Variants in CASK observed in about 807,000 individuals in gnomAD.
CASK encodes the protein calcium/calmodulin dependent serine protein kinase, also known as peripheral plasma membrane protein CASK.
Under a neutral mutation model 82.9 loss-of-function variants are expected in CASK, and 4 were observed. That is an observed-to-expected ratio of 0.05 (90% confidence interval 0.02 to 0.11). CASK has a LOEUF of 0.11. CASK is among the 10% of genes least tolerant of loss of function. The probability of loss-of-function intolerance (pLI) is 1.00; values close to 1 mark genes in which losing one functional copy is unlikely to be tolerated. For missense variants in CASK, 358 were observed against 720.9 expected (o/e 0.50, Z 5.76); for synonymous variants, 259 against 253.5 (o/e 1.02, Z -0.20).
At chrX:41,802,678 C>T (rs2070026779) in intron 2 of CASK, among the ~76,000 whole-genome samples, 1 of 111,353 alleles carries the variant, frequency 9.0e-6, no homozygotes, top group Non-Finnish European at 1.9e-5. Context: ...AGGCACTGCC[C>T]TAAGTGCTTT....
chrX:41,759,622 C>T (rs983276231), intron 3 of CASK, among the ~76,000 whole-genome samples: 10 of 111,430 alleles, frequency 9.0e-5, no homozygotes, highest in Non-Finnish European at 1.7e-4. Flanking sequence ...TGAGAAATGC[C>T]CCCCCTACAC....
At chrX:41,861,961 GTA>G (rs750794159) in intron 1 of CASK, among the ~76,000 whole-genome samples, 1 of 102,043 alleles carries the variant, frequency 9.8e-6, no homozygotes, top group Non-Finnish European at 2.0e-5. Flanking sequence ...GTATACATAT[GTA>G]TATATACATT....
rs180777271 is a variant in CASK, at chrX:41,552,986, T to C, written c.2039+733A>G. Among the ~76,000 whole-genome samples, 197 of 112,084 alleles carry C rather than the reference T, an allele frequency of 1.8e-3. 1 individual carries two copies. Among genetic ancestry groups the C allele is most frequent in the Non-Finnish European group, 1.1e-3 (60 of 53,224 alleles). On this transcript the variant is annotated intron_variant, in intron 21 of 26. Coordinates refer to ENST00000378163, the MANE Select transcript of CASK (RefSeq NM_001367721.1). ...AAACAAAACTCAGACATTATCTCTT[T>C]TGTGCTAGAAATAATCTGGTATATT...
intron 3 of CASK, among the ~76,000 whole-genome samples, chrX:41,771,368 C>G (rs896220153): frequency 3.6e-5 from 4 of 111,535 alleles, no homozygotes; most frequent in African/African-American, 1.3e-4. Flanking sequence ...GGAAAATGAA[C>G]CCAGATAAAA....
intron 8 of CASK, among the ~76,000 whole-genome samples, chrX:41,638,030 T>G (rs747437786): frequency 2.7e-5 from 3 of 111,992 alleles, no homozygotes; most frequent in Non-Finnish European, 3.8e-5. Context: ...AGGATTCATA[T>G]GCTATAAGCA....
At chrX:41,736,233 G>A (rs139907650) in intron 5 of CASK, among the ~76,000 whole-genome samples, 1,456 of 112,356 alleles carry the variant, frequency 0.013, 25 homozygotes, top group African/African-American at 0.045. Context: ...GGTGGCTCAC[G>A]CCTGTAATCC....
chrX:41,745,306 G>A (rs981406449), intron 4 of CASK, among the ~76,000 whole-genome samples: 5 of 111,811 alleles, frequency 4.5e-5, no homozygotes, highest in Non-Finnish European at 5.6e-5. Context: ...GTGAGCCACC[G>A]TGCCTGGCCC....
intron 6 of CASK, among the ~76,000 whole-genome samples, chrX:41,667,350 T>A (rs5918222): frequency 0.11 from 12,673 of 111,035 alleles, 713 homozygotes; most frequent in Middle Eastern, 0.17. Flanking sequence ...TTCCTAAAAA[T>A]CCTTGTTTTT....
At chrX:41,641,427 A>G (rs2066651081) in intron 8 of CASK, among the ~76,000 whole-genome samples, 1 of 111,770 alleles carries the variant, frequency 8.9e-6, no homozygotes, top group Non-Finnish European at 1.9e-5. Context: ...AAATGACAGT[A>G]TACTTTACAG....
chrX:41,619,827 C>T (rs1052769001), intron 11 of CASK, among the ~76,000 whole-genome samples: 2 of 112,150 alleles, frequency 1.8e-5, no homozygotes, highest in Admixed American at 9.5e-5. Context: ...TTGAAAGAAT[C>T]GTGCCCACCA....
At chrX:41,602,430 G>A (rs2065906008) in intron 12 of CASK, among the ~76,000 whole-genome samples, 1 of 111,399 alleles carries the variant, frequency 9.0e-6, no homozygotes, top group Non-Finnish European at 1.9e-5. Context: ...GATAATGTGT[G>A]TATATTAATC....
chrX:41,816,268 C>T (rs767062001), intron 2 of CASK, among the ~76,000 whole-genome samples: 8 of 111,497 alleles, frequency 7.2e-5, no homozygotes, highest in African/African-American at 2.3e-4. Context: ...CATAATAATC[C>T]TAAATGTATA....
At chrX:41,528,561 T>C (rs867641405) in intron 25 of CASK, among the ~76,000 whole-genome samples, 1 of 112,636 alleles carries the variant, frequency 8.9e-6, no homozygotes, top group Non-Finnish European at 1.9e-5. Context: ...TGGACAGTTT[T>C]GGATGTACAA....
At chrX:41,779,845 C>CA (rs778478328) in intron 3 of CASK, among the ~76,000 whole-genome samples, 17 of 105,648 alleles carry the variant, frequency 1.6e-4, no homozygotes, top group East Asian at 2.9e-4. Context: ...AATACTAGAC[C>CA]AAAAAAAAAT....
intron 3 of CASK, among the ~76,000 whole-genome samples, chrX:41,762,332 G>C (rs894375086): frequency 2.7e-5 from 3 of 111,764 alleles, no homozygotes; most frequent in Admixed American, 9.5e-5. Context: ...AAAGTTGCTA[G>C]GGTAGAAACT....
chrX:41,849,062 C>T (rs1016674866), intron 2 of CASK, among the ~76,000 whole-genome samples: 2 of 111,282 alleles, frequency 1.8e-5, no homozygotes, highest in African/African-American at 6.5e-5. Flanking sequence ...ACTGATATCA[C>T]CTACTATCTG....
intron 8 of CASK, among the ~76,000 whole-genome samples, chrX:41,639,238 T>A (rs1257664827): frequency 9.2e-6 from 1 of 108,845 alleles, no homozygotes; most frequent in African/African-American, 3.4e-5. Flanking sequence ...CACGCCCAGC[T>A]AATTTTTGTA....
intron 11 of CASK, among the ~76,000 whole-genome samples, chrX:41,611,793 TC>T (rs2147284957): frequency 9.1e-6 from 1 of 109,395 alleles, no homozygotes; most frequent in South Asian, 4.0e-4. Context: ...CACTGCAACC[TC>T]CCTGCCTGAT....
chrX:41,888,621 T>TTA (rs957547908), intron 1 of CASK, among the ~76,000 whole-genome samples: 6 of 107,379 alleles, frequency 5.6e-5, no homozygotes, highest in Non-Finnish European at 9.6e-5. Flanking sequence ...TAGTATTCCA[T>TTA]TATATATATA....
Sources: allele counts gnomAD v4.1 joint callset (sites outside exome capture counted in the v4.1 genomes callset), GRCh38; gene constraint gnomAD v4.1.1; transcripts MANE v1.5; gene names NCBI Gene and HGNC (gene_info 2026-07-23, HGNC 2026-07-21).